TSGA10: variants seen among roughly 807,000 people sequenced by gnomAD.
The protein encoded by TSGA10 is testis specific 10.
Under a neutral mutation model 96.6 loss-of-function variants are expected in TSGA10, and 43 were observed. The observed-to-expected ratio is 0.44, with a 90% CI of 0.35 to 0.57. The LOEUF (loss-of-function observed/expected upper bound fraction) is 0.57, where lower values mean the gene tolerates loss of function less well. TSGA10 is among the 20% of genes least tolerant of loss of function. The pLI, the probability that TSGA10 is intolerant of heterozygous loss-of-function variation, is 0.01. For synonymous variants in TSGA10, 229 were observed against 269.9 expected (o/e 0.85, Z 1.48); for missense variants, 703 against 834.4 (o/e 0.84, Z 1.94).
chr2:99,109,070 T>C, intron 6 of TSGA10, 79 bp from the exon 7 acceptor site: 2 of 1,068,952 alleles, frequency 1.9e-6, no homozygotes, highest in Middle Eastern at 2.4e-4. Flanking sequence ...TAGTGCCCAA[T>C]TTCTATTTAA....
intron 15 of TSGA10, 54 bp downstream of exon 15, chr2:99,068,834 T>C (rs2085573854): frequency 7.1e-6 from 6 of 850,398 alleles, no homozygotes; most frequent in Middle Eastern, 2.4e-4. Context: ...AACTTCTAAA[T>C]TAACTCTAGT....
intron 15 of TSGA10, among the ~76,000 whole-genome samples, chr2:99,068,530 C>G (rs989281666): frequency 6.6e-6 from 1 of 152,088 alleles, no homozygotes; most frequent in African/African-American, 2.4e-5. Flanking sequence ...ACAGGGTAAC[C>G]AATTCTGATC....
At chr2:99,106,472 A>G (rs180804026) in intron 7 of TSGA10, among the ~76,000 whole-genome samples, 1 of 152,110 alleles carries the variant, frequency 6.6e-6, no homozygotes, top group East Asian at 1.9e-4. Context: ...AGTCATGTAC[A>G]GTGCTCCCTT....
chr2:99,078,944 AC>A lies in TSGA10; in HGVS notation c.728-132del, dbSNP rs1442995632. ...TTATATTCAATTACTAACAATGAGTACTATATCCCAAATTAAAAAAATTTTT... is the reference window on the plus strand; with the variant it reads ...TTATATTCAATTACTAACAATGAGTATATATCCCAAATTAAAAAAATTTTT... On this transcript the variant is annotated intron_variant, in intron 11 of 20. Coordinates refer to ENST00000393483, the MANE Select transcript of TSGA10 (RefSeq NM_025244.4). 1.2e-4 allele frequency: 91 copies of A among 769,334 alleles called. 3 individuals carry two copies. The Middle Eastern group carries it at 1.6e-3, about 13-fold the overall frequency. 47.7% of individuals were successfully genotyped at this position (769,334 alleles called of 1,614,324 possible). A position where few individuals can be genotyped will look rare whatever the true frequency, so the allele number is the denominator to read the frequency against.
intron 18 of TSGA10, 70 bp from the exon 19 acceptor site, chr2:99,018,710 A>C: frequency 7.5e-7 from 1 of 1,324,566 alleles, no homozygotes; most frequent in Non-Finnish European, 1.0e-6. Context: ...GGGTACATGA[A>C]ACCATATTGA....
intron 11 of TSGA10, among the ~76,000 whole-genome samples, chr2:99,079,957 T>C (rs951890754): frequency 1.1e-4 from 17 of 152,328 alleles, no homozygotes; most frequent in African/African-American, 3.8e-4. Flanking sequence ...ACAACCCGCA[T>C]GTTTTGTGTG....
At chr2:99,004,374 G>C (rs1328711035) in intron 20 of TSGA10, among the ~76,000 whole-genome samples, 1 of 149,224 alleles carries the variant, frequency 6.7e-6, no homozygotes, top group Admixed American at 6.7e-5. Flanking sequence ...GAGGTACAAA[G>C]AGGAGCTGGT....
At chr2:99,131,782 G>A (rs1218959680) in intron 1 of TSGA10, among the ~76,000 whole-genome samples, 1 of 152,092 alleles carries the variant, frequency 6.6e-6, no homozygotes, top group African/African-American at 2.4e-5. Context: ...TTATTATTTT[G>A]AGATACATTC....
At chr2:99,037,969 A>T (rs1352710166) in intron 16 of TSGA10, among the ~76,000 whole-genome samples, 1 of 152,060 alleles carries the variant, frequency 6.6e-6, no homozygotes, top group African/African-American at 2.4e-5. Flanking sequence ...CTTAGCAGAA[A>T]CCATACAAGC....
At chr2:99,030,484 C>A (rs998393044) in intron 17 of TSGA10, among the ~76,000 whole-genome samples, 10 of 152,156 alleles carry the variant, frequency 6.6e-5, no homozygotes, top group African/African-American at 2.4e-4. Flanking sequence ...CCCATCTCTA[C>A]AAAAATCAAA....
At chr2:99,025,033 G>A (rs930595585) in intron 17 of TSGA10, among the ~76,000 whole-genome samples, 11 of 152,096 alleles carry the variant, frequency 7.2e-5, no homozygotes, top group African/African-American at 2.7e-4. Flanking sequence ...TGGATTCAGT[G>A]TTATAGTATT....
At chr2:99,082,329 G>T (rs759685658) in intron 10 of TSGA10, among the ~76,000 whole-genome samples, 4 of 151,794 alleles carry the variant, frequency 2.6e-5, no homozygotes, top group African/African-American at 7.3e-5. Context: ...TTGTTTTTTT[G>T]ATTCTTGCAT....
intron 10 of TSGA10, chr2:99,102,874 TTTTATATTTG>T: frequency 2.8e-6 from 2 of 722,790 alleles, no homozygotes; most frequent in South Asian, 1.6e-5. Context: ...ATCATAGTCC[TTTTATATTTG>T]TCTTTGTATT....
chr2:99,029,469 G>C (rs544132723), intron 17 of TSGA10, among the ~76,000 whole-genome samples: 1 of 152,200 alleles, frequency 6.6e-6, no homozygotes, highest in Admixed American at 6.5e-5. Flanking sequence ...AAAAGGTCCA[G>C]ATAGTGCTTT....
intron 1 of TSGA10, among the ~76,000 whole-genome samples, chr2:99,149,785 C>CCTTT (rs779013460): frequency 8.9e-6 from 1 of 112,456 alleles, no homozygotes; most frequent in Non-Finnish European, 1.7e-5. Flanking sequence ...TCACAAGTAT[C>CCTTT]TTTTTTTTTT....
intron 16 of TSGA10, among the ~76,000 whole-genome samples, chr2:99,059,607 C>T (rs1162790415): frequency 6.6e-6 from 1 of 151,650 alleles, no homozygotes; most frequent in African/African-American, 2.4e-5. Context: ...CCACTGCACA[C>T]CAGCCTGGGC....
At chr2:99,064,784 G>C (rs920811552) in intron 16 of TSGA10, 155 bp downstream of exon 16, 8 of 533,384 alleles carry the variant, frequency 1.5e-5, no homozygotes, top group African/African-American at 9.8e-5. Context: ...GATTGTAGAA[G>C]AATCAAAGTA....
At chr2:99,012,105 C>T (rs1253558329) in intron 20 of TSGA10, among the ~76,000 whole-genome samples, 21 of 152,144 alleles carry the variant, frequency 1.4e-4, no homozygotes, top group Admixed American at 1.4e-3. Flanking sequence ...AAGATAAAGT[C>T]ATTTTCAGAC....
At chr2:99,102,187 A>T in intron 10 of TSGA10, 1 of 1,575,054 alleles carries the variant, frequency 6.3e-7, no homozygotes, top group Non-Finnish European at 8.7e-7. Context: ...GAAGCTATTC[A>T]GTTAACTTTC....
Sources: allele counts gnomAD v4.1 joint callset (sites outside exome capture counted in the v4.1 genomes callset), GRCh38; gene constraint gnomAD v4.1.1; transcripts MANE v1.5; gene names NCBI Gene and HGNC (gene_info 2026-07-23, HGNC 2026-07-21).